Variants in KIF27 observed in about 807,000 individuals in gnomAD.
KIF27 encodes the protein kinesin family member 27.
In KIF27, 84 loss-of-function variants were observed where a neutral mutation model predicts 141.8. That is an observed-to-expected ratio of 0.59 (90% CI 0.50 to 0.71). The LOEUF is 0.71. KIF27 is among the 30% of genes least tolerant of loss of function. The pLI, the probability that KIF27 is intolerant of heterozygous loss-of-function variation, is 0.00. For missense variants in KIF27, 1,306 were observed against 1,628.4 expected (o/e 0.80, Z 3.41); for synonymous variants, 471 against 569.5 (o/e 0.83, Z 2.46).
intron 1 of KIF27, among the ~76,000 whole-genome samples, chr9:83,920,481 G>A (rs1010612386): frequency 2.0e-5 from 3 of 152,162 alleles, no homozygotes; most frequent in Non-Finnish European, 2.9e-5. Flanking sequence ...CTCATGTCAT[G>A]TCACTGGTCA....
intron 5 of KIF27, among the ~76,000 whole-genome samples, chr9:83,896,078 A>G (rs1953213677): frequency 6.8e-6 from 1 of 147,794 alleles, no homozygotes; most frequent in Non-Finnish European, 1.5e-5. Context: ...AAAAAAAACA[A>G]AACACACACA....
At chr9:83,853,435 C>A (rs1372057547) in intron 15 of KIF27, among the ~76,000 whole-genome samples, 194 bp downstream of exon 15, 3 of 152,184 alleles carry the variant, frequency 2.0e-5, no homozygotes, top group Non-Finnish European at 2.9e-5. Context: ...CAAAGTTAGG[C>A]CTACATCTTT....
rs117819874 is a variant in KIF27, at chr9:83,849,575, A to T, written c.3556+524T>A. The T allele has an allele frequency of 7.9e-3, 1,222 of 155,090 alleles. 33 individuals carry two copies. Among genetic ancestry groups the T allele is most frequent in the East Asian group, 0.036 (190 of 5,234 alleles). 9.6% of individuals were successfully genotyped at this position (155,090 alleles called of 1,614,324 possible). A position where few individuals can be genotyped will look rare whatever the true frequency, so the allele number is the denominator to read the frequency against. On this transcript the variant is annotated intron_variant, in intron 16 of 17. Coordinates refer to ENST00000297814, the MANE Select transcript of KIF27 (RefSeq NM_017576.4). Reference sequence around the variant, plus strand: ...TTTCTATCAGAGTTGGTGGTGAACTACTGCTCACGGATAATGGTATGTGCC... The same window carrying T: ...TTTCTATCAGAGTTGGTGGTGAACTTCTGCTCACGGATAATGGTATGTGCC...
chr9:83,881,494 T>C lies in KIF27; in HGVS notation c.2446-1000A>G, dbSNP rs557513462. Among the ~76,000 whole-genome samples, 4 of 152,360 alleles carry C rather than the reference T, an allele frequency of 2.6e-5. No individual in the cohort carries two copies. The East Asian group carries it at 7.7e-4, about 29-fold the overall frequency. On this transcript the variant is annotated intron_variant, in intron 10 of 17. Transcript: ENST00000297814. ...GCTTAGAGCAGTGCTACTCAAAATG[T>C]GATCTGTGGACCAGTGCTAGTTCAC...
At chr9:83,910,431 T>C (rs1162899902) in intron 2 of KIF27, among the ~76,000 whole-genome samples, 2 of 152,194 alleles carry the variant, frequency 1.3e-5, no homozygotes, top group Non-Finnish European at 2.9e-5. Context: ...CACAATTCAT[T>C]TACGTTGGCA....
chr9:83,872,276 T>G (rs1240418840), intron 11 of KIF27, among the ~76,000 whole-genome samples: 1 of 152,174 alleles, frequency 6.6e-6, no homozygotes, highest in Non-Finnish European at 1.5e-5. Flanking sequence ...ATCGCGCCAC[T>G]GCACTCTAGC....
chr9:83,857,574 G>A (rs1206913633), intron 14 of KIF27, among the ~76,000 whole-genome samples: 158 of 149,658 alleles, frequency 1.1e-3, no homozygotes, highest in African/African-American at 3.6e-3. Context: ...TGTAAATAAC[G>A]TTTTTTGTTA....
chr9:83,854,477 G>A (rs912964200), intron 14 of KIF27, among the ~76,000 whole-genome samples: 4 of 152,204 alleles, frequency 2.6e-5, no homozygotes, highest in Non-Finnish European at 5.9e-5. Context: ...GAAAATGTAG[G>A]TGTTAAAAAT....
At chr9:83,841,904 G>T (rs1444375015) in intron 17 of KIF27, among the ~76,000 whole-genome samples, 1 of 151,578 alleles carries the variant, frequency 6.6e-6, no homozygotes, top group Non-Finnish European at 1.5e-5. Context: ...ATCTTTTTTT[G>T]TGATAATCAG....
chr9:83,890,587 A>C (rs1952582178), intron 6 of KIF27, among the ~76,000 whole-genome samples: 1 of 152,196 alleles, frequency 6.6e-6, no homozygotes, highest in Admixed American at 6.5e-5. Context: ...TATTCATACC[A>C]CCCAAGGCTG....
chr9:83,854,483 A>G (rs1410652022), intron 14 of KIF27, among the ~76,000 whole-genome samples: 1 of 152,220 alleles, frequency 6.6e-6, no homozygotes, highest in Admixed American at 6.5e-5. Flanking sequence ...GTAGGTGTTA[A>G]AAATAGGGCA....
rs1954175175 is a variant in KIF27 at position 83,903,649 on chromosome 9, T to C, written c.869A>G (p.His290Arg). 2 of 1,614,176 alleles carry C rather than the reference T, an allele frequency of 1.2e-6. No homozygotes were observed. Among genetic ancestry groups the C allele is most frequent in the Non-Finnish European group, 1.7e-6 (2 of 1,180,002 alleles). The change falls in exon 4 of 18, where the codon CAT (histidine) becomes CGT (arginine). Residue 290 changes from histidine to arginine, a missense_variant. By Grantham distance (29) the His-to-Arg change is conservative. Around this residue, in one of 4 missense-constraint regions of KIF27, gnomAD observed 533 missense variants for 565.6 expected, o/e 0.94. Coordinates refer to ENST00000297814, the MANE Select transcript of KIF27 (RefSeq NM_017576.4). ...AATTTTAGCATCCCTATATGGAATA[T>C]GTGAACTCTTCCTGCGTGGGTCCCC... is the stretch of plus-strand genomic sequence containing the variant. The part of the protein sequence containing the change: ...ALGDPRRKSS[H>R]IPYRDAKITR...
Position 83,908,630 on chromosome 9 carries a change from CT to C in KIF27, c.320del (p.Lys107ArgfsTer25). 1 of 1,605,360 alleles carries C rather than the reference CT, an allele frequency of 6.2e-7. No individual in the cohort carries two copies. Among genetic ancestry groups the C allele is most frequent in the Non-Finnish European group, 8.5e-7 (1 of 1,175,632 alleles). On this transcript the variant is annotated frameshift_variant, in exon 3 of 18. Transcript: ENST00000297814. LOFTEE classifies it high-confidence loss of function. ...CTTGAATAGCTCGAGGAATGATACCCTTTTGGCCCTCCACAACTGAAGCTGA... is the reference window on the plus strand; with the variant it reads ...CTTGAATAGCTCGAGGAATGATACCCTTTGGCCCTCCACAACTGAAGCTGA... ...GHIASVVEGQ[K>X]GIIPRAIQEI...
intron 2 of KIF27, among the ~76,000 whole-genome samples, chr9:83,910,766 T>C (rs1449276341): frequency 6.6e-6 from 1 of 152,128 alleles, no homozygotes; most frequent in Admixed American, 6.5e-5. Context: ...ACATCATGAG[T>C]AAACATTTAT....
Position 83,869,042 on chromosome 9 carries a change from GT to G in KIF27, c.2758-1183del, listed in dbSNP as rs1950571339. On this transcript the variant is annotated intron_variant, in intron 12 of 17. Transcript: ENST00000297814. ...TTCTACAAACATTCTTAAACTGTGA[GT>G]GGGGTTTGAAAGATGAATAAGAGAT... 2.0e-5 allele frequency among the ~76,000 whole-genome samples: 3 copies of G among 152,210 alleles called. No homozygotes were observed. The South Asian group carries it at 6.2e-4, about 32-fold the overall frequency.
At chr9:83,911,375 C>A (rs1227959287) in intron 2 of KIF27, among the ~76,000 whole-genome samples, 3 of 152,176 alleles carry the variant, frequency 2.0e-5, no homozygotes, top group African/African-American at 7.2e-5. Flanking sequence ...GCACTACAGG[C>A]GCCCACCACC....
chr9:83,848,202 A>ATATATCT (rs1491554590), intron 16 of KIF27, among the ~76,000 whole-genome samples: 16 of 58,362 alleles, frequency 2.7e-4, no homozygotes, highest in African/African-American at 1.3e-3. Flanking sequence ...ATGATATATC[A>ATATATCT]GATATGATAT....
chr9:83,898,304 T>A (rs2065516), intron 5 of KIF27, among the ~76,000 whole-genome samples: 4 of 151,996 alleles, frequency 2.6e-5, no homozygotes, highest in African/African-American at 9.7e-5. Context: ...AAAAATATTA[T>A]GATTAAAAAG....
intron 11 of KIF27, among the ~76,000 whole-genome samples, chr9:83,875,543 C>G (rs1392031056): frequency 1.3e-5 from 2 of 152,076 alleles, no homozygotes; most frequent in African/African-American, 2.4e-5. Context: ...GTATCCTATA[C>G]TCACCTAGGA....
Sources: gnomAD v4.1 joint callset for allele counts (sites outside exome capture counted in the v4.1 genomes callset) on GRCh38, gnomAD v4.1.1 for gene constraint, gnomAD v4.1.1 regional missense constraint, MANE v1.5 for transcripts, NCBI Gene and HGNC (gene_info 2026-07-23, HGNC 2026-07-21) for gene names.